Variants in CNOT4 observed in about 807,000 individuals in gnomAD.
The protein encoded by CNOT4 is CCR4-NOT transcription complex subunit 4, also known as CCR4-associated factor 4.
A neutral mutation model predicts 73.8 loss-of-function variants in CNOT4; 8 were observed. That is an observed-to-expected ratio of 0.11 (90% CI 0.06 to 0.20). The LOEUF (loss-of-function observed/expected upper bound fraction) is 0.20. CNOT4 is among the 10% of genes least tolerant of loss of function. The probability of loss-of-function intolerance (pLI) is 1.00; values close to 1 mark genes in which losing one functional copy is unlikely to be tolerated. For synonymous variants in CNOT4, 293 were observed against 321.1 expected (o/e 0.91, Z 0.94); for missense variants, 564 against 883.4 (o/e 0.64, Z 4.58).
At chr7:135,453,446 T>C (rs146714098) in intron 1 of CNOT4, among the ~76,000 whole-genome samples, 1 of 152,128 alleles carries the variant, frequency 6.6e-6, no homozygotes, top group African/African-American at 2.4e-5. Context: ...TCTGCCAGTG[T>C]ATCTGTCTCA....
At chr7:135,399,109 G>C (rs775971233) in intron 7 of CNOT4, among the ~76,000 whole-genome samples, 3 of 151,916 alleles carry the variant, frequency 2.0e-5, no homozygotes, top group Non-Finnish European at 2.9e-5. Context: ...ATCTCTATAA[G>C]CACTGCAACA....
In CNOT4 at chr7:135,362,813, T is replaced by G; in HGVS notation, c.*72A>C. ...AACATAAGAGATGAGAAGGGAGCTG[T>G]GGGTGGTGGGCTGAGAGGGAGAAAA... On this transcript the variant is annotated 3_prime_UTR_variant, in exon 12 of 12. Transcript: ENST00000541284. 1 of 1,316,560 alleles carries G rather than the reference T, an allele frequency of 7.6e-7. No homozygotes were observed. The highest frequency in any genetic ancestry group is 1.1e-6 in the Non-Finnish European group (1 of 908,822). The allele number at this position is 1,316,560 out of a possible 1,614,324, so 81.6% of individuals were successfully genotyped here.
chr7:135,378,941 C>T lies in CNOT4; in HGVS notation c.1628-14875G>A, dbSNP rs114828889. On this transcript the variant is annotated intron_variant, in intron 10 of 11. Transcript: ENST00000541284. ...TCGAGGTTGCAGTAAGCCGTGTTTG[C>T]GCCACTGCACTCCAATCTGGGCAAC... 5.9e-3 allele frequency among the ~76,000 whole-genome samples: 868 copies of T among 148,246 alleles called. 12 individuals carry two copies. The highest frequency in any genetic ancestry group is 0.02 in the African/African-American group (819 of 40,174).
At chr7:135,483,147 T>TTG (rs1372553033) in intron 1 of CNOT4, among the ~76,000 whole-genome samples, 2 of 148,294 alleles carry the variant, frequency 1.3e-5, no homozygotes, top group Admixed American at 6.8e-5. Flanking sequence ...CCAACCTGGG[T>TTG]AACATAGTGG....
chr7:135,411,640 T>C (rs368507391), intron 6 of CNOT4, among the ~76,000 whole-genome samples: 1 of 151,990 alleles, frequency 6.6e-6, no homozygotes, highest in Non-Finnish European at 1.5e-5. Flanking sequence ...ATTTTACTAT[T>C]TGCATGTATA....
In CNOT4 at chr7:135,490,999, G is replaced by T. The variant is rs113886371; in HGVS notation, c.-93+18890C>A. Among the ~76,000 whole-genome samples, 4 of 152,338 alleles carry T rather than the reference G, an allele frequency of 2.6e-5. 1 individual carries two copies. Among genetic ancestry groups the T allele is most frequent in the African/African-American group, 9.6e-5 (4 of 41,570 alleles). ...TGAAGGAATGAATGTTGGATAAGAA[G>T]ATAAGACAGCAAGAGTCAAGAATGA... On this transcript the variant is annotated intron_variant, in intron 1 of 11. Coordinates refer to ENST00000541284, the MANE Select transcript of CNOT4 (RefSeq NM_001190850.2).
chr7:135,417,076 C>A (rs185244531), intron 3 of CNOT4, among the ~76,000 whole-genome samples: 2 of 152,294 alleles, frequency 1.3e-5, no homozygotes, highest in East Asian at 3.9e-4. Context: ...AATTCATACA[C>A]CAGTAACAAT....
chr7:135,426,028 C>T (rs1438502330), intron 2 of CNOT4, among the ~76,000 whole-genome samples: 1 of 151,810 alleles, frequency 6.6e-6, no homozygotes, highest in African/African-American at 2.4e-5. Flanking sequence ...CTGAGCAACA[C>T]AGTGAGACCC....
chr7:135,406,839 CTATACTT>C (rs150160054), intron 7 of CNOT4, among the ~76,000 whole-genome samples: 1,912 of 152,206 alleles, frequency 0.013, 42 homozygotes, highest in African/African-American at 0.043. Context: ...GACTACCTGA[CTATACTT>C]TATAATAAAG....
At chr7:135,378,632 T>G (rs897450746) in intron 10 of CNOT4, among the ~76,000 whole-genome samples, 12 of 151,666 alleles carry the variant, frequency 7.9e-5, no homozygotes, top group Admixed American at 1.3e-4. Flanking sequence ...CTCTGGTAAT[T>G]GAGTAAAAAG....
intron 1 of CNOT4, among the ~76,000 whole-genome samples, chr7:135,485,855 T>C (rs1802687201): frequency 6.6e-6 from 1 of 152,180 alleles, no homozygotes; most frequent in African/African-American, 2.4e-5. Flanking sequence ...GAGAAAATCT[T>C]CAGGCATTGG....
intron 10 of CNOT4, chr7:135,389,012 G>A: frequency 1.3e-5 from 12 of 922,618 alleles, no homozygotes; most frequent in South Asian, 4.1e-5. Context: ...CTTAATGTTT[G>A]GAATCCAGGT....
intron 7 of CNOT4, among the ~76,000 whole-genome samples, chr7:135,403,797 G>A (rs540842157): frequency 6.6e-6 from 1 of 152,238 alleles, no homozygotes; most frequent in South Asian, 2.1e-4. Flanking sequence ...TCAAAATATG[G>A]ACATCTACTA....
chr7:135,389,763 T>C (rs570909953), intron 10 of CNOT4, among the ~76,000 whole-genome samples: 2 of 152,214 alleles, frequency 1.3e-5, no homozygotes, highest in East Asian at 1.9e-4. Context: ...TACTGACTTA[T>C]GTTTTCCAAA....
At chr7:135,440,912 C>CA (rs77371734) in intron 1 of CNOT4, among the ~76,000 whole-genome samples, 301 of 104,874 alleles carry the variant, frequency 2.9e-3, no homozygotes, top group Admixed American at 4.4e-3. Context: ...GACTCCGTCT[C>CA]AAAAAAAAAA....
chr7:135,369,993 C>T (rs994029018), intron 10 of CNOT4, among the ~76,000 whole-genome samples: 6 of 152,122 alleles, frequency 3.9e-5, no homozygotes, highest in African/African-American at 1.4e-4. Flanking sequence ...AAAATCATTC[C>T]AATTTATTAA....
rs879509678 is a variant in CNOT4 at position 135,510,063 on chromosome 7, C to A, written c.-267G>T. ...TCTCAGCTTTCGGTGGGTTCCACAG[C>A]CAGACGGGCCACCATCTTACATTAG... is the stretch of plus-strand genomic sequence containing the variant. On this transcript the variant is annotated 5_prime_UTR_variant, in exon 1 of 12. Transcript: ENST00000541284. 1.5e-5 allele frequency: 6 copies of A among 399,052 alleles called. No individual in the cohort carries two copies. In the Admixed American group the frequency reaches 1.8e-4, roughly 12 times the overall value. The allele number at this position is 399,052 out of a possible 1,614,324, so 24.7% of individuals were successfully genotyped here. A position where few individuals can be genotyped will look rare whatever the true frequency, so the allele number is the denominator to read the frequency against.
chr7:135,450,340 G>A (rs1800082878), intron 1 of CNOT4, among the ~76,000 whole-genome samples: 1 of 152,096 alleles, frequency 6.6e-6, no homozygotes, highest in Non-Finnish European at 1.5e-5. Context: ...GTTTGTTTGT[G>A]TCAGGGACTC....
chr7:135,409,745 T>C (rs974267591), intron 7 of CNOT4, among the ~76,000 whole-genome samples: 3 of 152,074 alleles, frequency 2.0e-5, no homozygotes, highest in Non-Finnish European at 2.9e-5. Context: ...ATTCATTTGA[T>C]AAAAGTTAAA....
Sources: gnomAD v4.1 joint callset for allele counts (sites outside exome capture counted in the v4.1 genomes callset) on GRCh38, gnomAD v4.1.1 for gene constraint, MANE v1.5 for transcripts, NCBI Gene and HGNC (gene_info 2026-07-23, HGNC 2026-07-21) for gene names.